The following HS6ST2 variants were observed in gnomAD, a reference collection of about 807,000 sequenced individuals.
HS6ST2 encodes the protein heparan-sulfate 6-O-sulfotransferase 2.
A neutral mutation model predicts 33.0 loss-of-function variants in HS6ST2; 17 were observed. That is an observed-to-expected ratio of 0.52 (90% confidence interval 0.35 to 0.77). The LOEUF (loss-of-function observed/expected upper bound fraction) is 0.77, where lower values mean the gene tolerates loss of function less well. HS6ST2 is among the 30% of genes least tolerant of loss of function. The pLI, the probability that HS6ST2 is intolerant of heterozygous loss-of-function variation, is 0.01. For missense variants in HS6ST2, 519 were observed against 551.7 expected (o/e 0.94, Z 0.59); for synonymous variants, 248 against 237.1 (o/e 1.05, Z -0.42).
chrX:132,701,404 T>C (rs1287438395), intron 3 of HS6ST2, among the ~76,000 whole-genome samples: 1 of 112,280 alleles, frequency 8.9e-6, no homozygotes, highest in African/African-American at 3.2e-5. Flanking sequence ...AGAATCATGC[T>C]CAGCTTTTCT....
intron 2 of HS6ST2, among the ~76,000 whole-genome samples, chrX:132,768,335 CAA>C (rs771487342): frequency 8.6e-5 from 4 of 46,314 alleles, no homozygotes; most frequent in Admixed American, 3.1e-4. Context: ...GACTCTGTCT[CAA>C]AAAAAAAAAA....
intron 2 of HS6ST2, among the ~76,000 whole-genome samples, chrX:132,858,723 G>C (rs2065878847): frequency 8.9e-6 from 1 of 112,216 alleles, no homozygotes; most frequent in African/African-American, 3.2e-5. Flanking sequence ...TGTGGAGATG[G>C]TGGAGAAGAG....
rs143634433 is a variant in HS6ST2, at chrX:132,952,661, C to T, written c.947+4147G>A. 2.6e-3 allele frequency among the ~76,000 whole-genome samples: 290 copies of T among 111,510 alleles called. 11 individuals carry two copies. The East Asian group carries it at 0.059, about 23-fold the overall frequency. On this transcript the variant is annotated intron_variant, in intron 2 of 4. Transcript: ENST00000370833. ...AGAATGACCAAAAAAAGCTTTTCTC[C>T]ATCTAAACAAACACTTTTTAGTCCT...
intron 4 of HS6ST2, among the ~76,000 whole-genome samples, chrX:132,652,165 G>A (rs908905716): frequency 3.6e-5 from 4 of 111,245 alleles, no homozygotes; most frequent in Non-Finnish European, 7.5e-5. Flanking sequence ...GTAGTTTCGC[G>A]GCTGCTGTTT....
chrX:132,806,777 G>A (rs1250219900), intron 2 of HS6ST2, among the ~76,000 whole-genome samples: 1 of 109,997 alleles, frequency 9.1e-6, no homozygotes, highest in Middle Eastern at 4.2e-3. Flanking sequence ...TTAGCTCACA[G>A]GCAAGCTGCA....
At chrX:132,660,808 C>T (rs970110778) in intron 4 of HS6ST2, among the ~76,000 whole-genome samples, 1 of 111,959 alleles carries the variant, frequency 8.9e-6, no homozygotes, top group African/African-American at 3.2e-5. Context: ...AGTCCGTTCT[C>T]ACACTGCCAT....
intron 4 of HS6ST2, among the ~76,000 whole-genome samples, chrX:132,640,941 T>C (rs1429540036): frequency 9.0e-6 from 1 of 111,454 alleles, no homozygotes; most frequent in Non-Finnish European, 1.9e-5. Flanking sequence ...TATGGATATA[T>C]TGCACGATGC....
At chrX:132,813,152 A>G (rs773186139) in intron 2 of HS6ST2, among the ~76,000 whole-genome samples, 2 of 111,583 alleles carry the variant, frequency 1.8e-5, no homozygotes, top group Non-Finnish European at 3.8e-5. Context: ...ATTTCCACCC[A>G]TAATATTCTA....
chrX:132,643,707 T>A (rs1278181773), intron 4 of HS6ST2, among the ~76,000 whole-genome samples: 1 of 111,497 alleles, frequency 9.0e-6, no homozygotes, highest in East Asian at 2.8e-4. Context: ...TGAACAGGAA[T>A]CGGCTTTAGG....
At chrX:132,881,007 T>C (rs2066165888) in intron 2 of HS6ST2, among the ~76,000 whole-genome samples, 1 of 110,730 alleles carries the variant, frequency 9.0e-6, no homozygotes, top group Admixed American at 9.6e-5. Flanking sequence ...GTGCCACATT[T>C]TCTTAATCCA....
At chrX:132,799,788 G>A (rs1178177860) in intron 2 of HS6ST2, among the ~76,000 whole-genome samples, 1 of 111,619 alleles carries the variant, frequency 9.0e-6, no homozygotes. Flanking sequence ...CATCCAGAAT[G>A]TGGGGATAAT....
At chrX:132,787,847 A>C (rs1168598059) in intron 2 of HS6ST2, among the ~76,000 whole-genome samples, 2 of 108,444 alleles carry the variant, frequency 1.8e-5, no homozygotes, top group African/African-American at 3.4e-5. Flanking sequence ...GCAGAGTTCA[A>C]GCCACTGCAC....
intron 3 of HS6ST2, among the ~76,000 whole-genome samples, chrX:132,692,893 A>G (rs2064077396): frequency 9.0e-6 from 1 of 111,495 alleles, no homozygotes; most frequent in Non-Finnish European, 1.9e-5. Context: ...TCATGTCCCT[A>G]TTTCCCCCAA....
intron 2 of HS6ST2, among the ~76,000 whole-genome samples, chrX:132,776,278 T>C (rs1465154071): frequency 8.9e-6 from 1 of 112,188 alleles, no homozygotes; most frequent in African/African-American, 3.2e-5. Context: ...CTGAAGAATA[T>C]GGATTTTAGT....
At chrX:132,846,313 G>A (rs1468698128) in intron 2 of HS6ST2, among the ~76,000 whole-genome samples, 1 of 112,255 alleles carries the variant, frequency 8.9e-6, no homozygotes, top group Non-Finnish European at 1.9e-5. Context: ...TCACTCCAGT[G>A]AAAAATTTCA....
chrX:132,863,821 T>A (rs183939141), intron 2 of HS6ST2, among the ~76,000 whole-genome samples: 179 of 111,732 alleles, frequency 1.6e-3, no homozygotes, highest in African/African-American at 5.4e-3. Flanking sequence ...CTTATCTTCA[T>A]CCCTAAAAAT....
At chrX:132,951,099 C>G (rs1398694211) in intron 2 of HS6ST2, among the ~76,000 whole-genome samples, 1 of 111,361 alleles carries the variant, frequency 9.0e-6, no homozygotes, top group East Asian at 2.8e-4. Context: ...CCAGCCCGAA[C>G]CAGATCCCCT....
intron 2 of HS6ST2, among the ~76,000 whole-genome samples, chrX:132,952,724 A>C (rs2067026787): frequency 9.0e-6 from 1 of 111,471 alleles, no homozygotes; most frequent in Non-Finnish European, 1.9e-5. Flanking sequence ...TGAGATGATA[A>C]TTAATTACTC....
chrX:132,708,115 G>A (rs919193368), intron 3 of HS6ST2, among the ~76,000 whole-genome samples: 1 of 108,997 alleles, frequency 9.2e-6, no homozygotes, highest in Non-Finnish European at 1.9e-5. Flanking sequence ...CTTTGCCAAC[G>A]GTTGGGGTCT....
Sources: allele counts gnomAD v4.1 joint callset (sites outside exome capture counted in the v4.1 genomes callset), GRCh38; gene constraint gnomAD v4.1.1; transcripts MANE v1.5; gene names NCBI Gene and HGNC (gene_info 2026-07-23, HGNC 2026-07-21).